ZFHX3: variants seen among roughly 807,000 people sequenced by gnomAD.
The protein encoded by ZFHX3 is zinc finger homeobox protein 3.
A neutral mutation model predicts 279.1 loss-of-function variants in ZFHX3; 42 were observed. The ratio of observed to expected loss-of-function variants is 0.15; its 90% CI spans 0.12 to 0.19. The LOEUF (loss-of-function observed/expected upper bound fraction) is 0.19. Ranked by LOEUF, ZFHX3 falls within the 10% of genes least tolerant of loss-of-function variation. ZFHX3 has a pLI of 1.00. For missense variants in ZFHX3, 4,981 were observed against 4,754.0 expected, an observed-to-expected ratio of 1.05 and a Z score of -1.40; for synonymous variants, 2,293 against 1,957.8, an observed-to-expected ratio of 1.17 and a Z score of -4.52.
At chr16:73,889,452 T>G (rs1326406315) in intron 1 of ZFHX3, among the ~76,000 whole-genome samples, 2 of 152,096 alleles carry the variant, frequency 1.3e-5, no homozygotes, top group African/African-American at 4.8e-5. Flanking sequence ...CAAGCCCCAG[T>G]GCATCTCCCA....
intron 1 of ZFHX3, among the ~76,000 whole-genome samples, chr16:73,024,850 G>A (rs1453050100): frequency 1.3e-5 from 2 of 152,136 alleles, no homozygotes; most frequent in Non-Finnish European, 2.9e-5. Context: ...TGGCTGTGCC[G>A]GATCCCACAG....
chr16:73,611,524 TAAATA>T (rs1415124384), intron 2 of ZFHX3, among the ~76,000 whole-genome samples: 1 of 152,176 alleles, frequency 6.6e-6, no homozygotes, highest in African/African-American at 2.4e-5. Context: ...TTTTTGAAAT[TAAATA>T]AAATTAAACT....
At chr16:73,602,352 G>C (rs2052127563) in intron 2 of ZFHX3, among the ~76,000 whole-genome samples, 1 of 152,128 alleles carries the variant, frequency 6.6e-6, no homozygotes, top group Non-Finnish European at 1.5e-5. Flanking sequence ...GAATACTACA[G>C]AACGAGCAGC....
chr16:73,066,049 GGGGCTCTGGCTAGCC>G (rs1235164296), intron 8 of ZFHX3, among the ~76,000 whole-genome samples: 1 of 152,202 alleles, frequency 6.6e-6, no homozygotes, highest in African/African-American at 2.4e-5. Context: ...CGCACTGACT[GGGGCTCTGGCTAGCC>G]GGGCTACCCG....
At chr16:73,031,177 A>C (rs1349760181) in intron 1 of ZFHX3, among the ~76,000 whole-genome samples, 1 of 152,216 alleles carries the variant, frequency 6.6e-6, no homozygotes, top group African/African-American at 2.4e-5. Context: ...AAGAAAACGA[A>C]CTCAAGTTCT....
chr16:73,642,421 A>G (rs190114474), intron 2 of ZFHX3, among the ~76,000 whole-genome samples: 1 of 152,186 alleles, frequency 6.6e-6, no homozygotes, highest in East Asian at 1.9e-4. Context: ...ATGCTCAGTG[A>G]CCTCCATGGG....
chr16:73,524,867 T>A (rs564126496), intron 2 of ZFHX3, among the ~76,000 whole-genome samples: 1 of 152,320 alleles, frequency 6.6e-6, no homozygotes, highest in South Asian at 2.1e-4. Context: ...GAGGGCAGAA[T>A]GAATATTTGC....
chr16:73,876,001 T>C (rs2029934653), intron 1 of ZFHX3, among the ~76,000 whole-genome samples: 2 of 152,354 alleles, frequency 1.3e-5, no homozygotes, highest in African/African-American at 4.8e-5. Context: ...CATAGTAATA[T>C]TTAAATACAC....
intron 1 of ZFHX3, among the ~76,000 whole-genome samples, chr16:73,873,175 GTGGGTGGTGGTGGA>G (rs1471453893): frequency 5.2e-4 from 45 of 87,330 alleles, no homozygotes; most frequent in Non-Finnish European, 6.5e-4. Context: ...GTGGTGGGTG[GTGGGTGGTGGTGGA>G]TGGTGGGTGG....
chr16:73,207,019 AAAATAAATAAATAAAT>A (rs71156149), intron 5 of ZFHX3, among the ~76,000 whole-genome samples: 20 of 145,730 alleles, frequency 1.4e-4, no homozygotes, highest in South Asian at 6.6e-4. Context: ...ATCCATCTCA[AAAATAAATAAATAAAT>A]AAATAAATAA....
At chr16:73,519,092 AG>A (rs921334363) in intron 2 of ZFHX3, among the ~76,000 whole-genome samples, 14 of 152,372 alleles carry the variant, frequency 9.2e-5, no homozygotes, top group African/African-American at 3.1e-4. Flanking sequence ...TCGAGAATAA[AG>A]GGGAGATCTG....
intron 1 of ZFHX3, among the ~76,000 whole-genome samples, chr16:73,760,921 A>G (rs2053857706): frequency 6.6e-6 from 1 of 151,984 alleles, no homozygotes; most frequent in South Asian, 2.1e-4. Context: ...GCCACAAGAC[A>G]AGGATGCCCT....
chr16:72,998,428 A>G (rs543056444), intron 1 of ZFHX3, among the ~76,000 whole-genome samples: 5 of 152,318 alleles, frequency 3.3e-5, no homozygotes, highest in African/African-American at 1.2e-4. Context: ...ATAAGGGGAA[A>G]AAAGAAACAG....
chr16:72,866,155 A>G (rs2038017370), intron 4 of ZFHX3, among the ~76,000 whole-genome samples: 1 of 152,224 alleles, frequency 6.6e-6, no homozygotes, highest in Admixed American at 6.5e-5. Flanking sequence ...ATGATCCTAA[A>G]ATGAAATAAC....
rs111613400 is a variant in ZFHX3 at position 73,760,476 on chromosome 16, T to G, written c.-1607-80236A>C. On this transcript the variant is annotated intron_variant, in intron 1 of 17. Coordinates refer to the ZFHX3 transcript ENST00000641206. ...ATCCTGATACCAAAAGCTGGCAGCA[T>G]CATCCTGATACCAAAACCTGGCAGC... 7.2e-5 allele frequency among the ~76,000 whole-genome samples: 11 copies of G among 151,910 alleles called. 1 individual carries two copies. The highest frequency in any genetic ancestry group is 2.2e-4 in the African/African-American group (9 of 41,518).
chr16:73,375,922 C>A (rs1191966105), intron 3 of ZFHX3, among the ~76,000 whole-genome samples: 1 of 152,110 alleles, frequency 6.6e-6, no homozygotes, highest in Non-Finnish European at 1.5e-5. Flanking sequence ...ACTGGATACA[C>A]CGTTGGGTTC....
intron 2 of ZFHX3, among the ~76,000 whole-genome samples, chr16:73,527,972 C>T (rs554542230): frequency 1.6e-4 from 25 of 152,326 alleles, no homozygotes; most frequent in Non-Finnish European, 2.5e-4. Flanking sequence ...GTTGTTTCTG[C>T]TAAATCTTGG....
At chr16:73,239,354 G>A (rs117362047) in intron 5 of ZFHX3, among the ~76,000 whole-genome samples, 2 of 152,324 alleles carry the variant, frequency 1.3e-5, no homozygotes, top group Non-Finnish European at 2.9e-5. Context: ...AAACTTTGGA[G>A]TTAATTAGAA....
chr16:72,798,762 G>C (rs750242408), intron 8 of ZFHX3, 48 bp from the exon 9 acceptor site: 4 of 1,506,242 alleles, frequency 2.7e-6, no homozygotes, highest in Non-Finnish European at 3.5e-6. Context: ...AGAAGGCTTT[G>C]TTTCAAGGAT....
Sources: allele counts gnomAD v4.1 joint callset (sites outside exome capture counted in the v4.1 genomes callset), GRCh38; gene constraint gnomAD v4.1.1; transcripts MANE v1.5; gene names NCBI Gene and HGNC (gene_info 2026-07-23, HGNC 2026-07-21).